The following BBS9 variants were observed in gnomAD, a reference collection of about 807,000 sequenced individuals.
BBS9 encodes Bardet-Biedl syndrome 9, also known as protein PTHB1.
Under a neutral mutation model 117.7 loss-of-function variants are expected in BBS9, and 89 were observed. The ratio of observed to expected loss-of-function variants is 0.76; its 90% CI spans 0.64 to 0.90. BBS9 has a LOEUF of 0.90. Ranked by LOEUF, BBS9 falls within the 40% of genes least tolerant of loss-of-function variation. The pLI, the probability that BBS9 is intolerant of heterozygous loss-of-function variation, is 0.00. For synonymous variants in BBS9, 379 were observed against 370.9 expected (o/e 1.02, Z -0.25); for missense variants, 982 against 1,042.2 (o/e 0.94, Z 0.80).
intron 20 of BBS9, among the ~76,000 whole-genome samples, chr7:33,518,291 G>A (rs78323097): frequency 0.024 from 3,041 of 125,228 alleles, 46 homozygotes; most frequent in Middle Eastern, 0.087. Context: ...CCACCCTGTC[G>A]CCAGGCTGGA....
At chr7:33,403,195 C>G (rs1829231237) in intron 19 of BBS9, among the ~76,000 whole-genome samples, 1 of 151,428 alleles carries the variant, frequency 6.6e-6, no homozygotes, top group African/African-American at 2.4e-5. Flanking sequence ...TCCTGTCACC[C>G]AGGTAGTGAA....
intron 21 of BBS9, among the ~76,000 whole-genome samples, chr7:33,537,741 G>A (rs1441032879): frequency 1.3e-5 from 2 of 152,118 alleles, no homozygotes; most frequent in East Asian, 3.9e-4. Context: ...GCTGTATTTT[G>A]CAGGAGGCTT....
chr7:33,281,295 T>G lies in BBS9; in HGVS notation c.1016+7339T>G, dbSNP rs549519355. ...TTTGGGTTCCATTTAATTTTTTTTG[T>G]TTGCTTATTTTTTCATTTGTTTGCT... On this transcript the variant is annotated intron_variant, in intron 9 of 22. Transcript: ENST00000242067. Among the ~76,000 whole-genome samples the G allele has an allele frequency of 1.3e-4, 20 of 151,738 alleles. No individual in the cohort carries two copies. In the South Asian group the frequency reaches 1.7e-3, roughly 13 times the overall value.
chr7:33,265,687 T>G (rs1396981772), intron 7 of BBS9, among the ~76,000 whole-genome samples: 1 of 151,808 alleles, frequency 6.6e-6, no homozygotes, highest in African/African-American at 2.4e-5. Context: ...TCCACTAAAA[T>G]ACAAAATTAG....
At chr7:33,541,284 ACT>A (rs1263697202) in intron 21 of BBS9, among the ~76,000 whole-genome samples, 1 of 151,846 alleles carries the variant, frequency 6.6e-6, no homozygotes, top group Non-Finnish European at 1.5e-5. Flanking sequence ...AACAACCTTG[ACT>A]CTCTGTTTCT....
intron 5 of BBS9, among the ~76,000 whole-genome samples, chr7:33,209,591 C>G (rs1787625132): frequency 6.6e-6 from 1 of 152,104 alleles, no homozygotes; most frequent in Admixed American, 6.6e-5. Flanking sequence ...TCTCCACTTT[C>G]TCAGCAGCAT....
intron 16 of BBS9, among the ~76,000 whole-genome samples, chr7:33,365,224 CTTCT>C (rs1182804679): frequency 6.6e-6 from 1 of 151,866 alleles, no homozygotes; most frequent in Non-Finnish European, 1.5e-5. Context: ...AGGGATATGT[CTTCT>C]TTGTTTTTCG....
At chr7:33,474,085 A>G (rs1045967151) in intron 19 of BBS9, among the ~76,000 whole-genome samples, 22 of 152,184 alleles carry the variant, frequency 1.4e-4, no homozygotes, top group African/African-American at 5.3e-4. Flanking sequence ...GTTGCTGTTG[A>G]TTTCTTGGAG....
chr7:33,586,729 T>C (rs866396011), intron 21 of BBS9, among the ~76,000 whole-genome samples: 2 of 151,908 alleles, frequency 1.3e-5, no homozygotes, highest in South Asian at 2.1e-4. Context: ...AACAAAACAA[T>C]GAAAGCATGT....
intron 21 of BBS9, among the ~76,000 whole-genome samples, chr7:33,617,704 A>G (rs1164810354): frequency 6.6e-6 from 1 of 152,212 alleles, no homozygotes; most frequent in Admixed American, 6.5e-5. Context: ...AATAAAAACC[A>G]TGAAAAAGAA....
chr7:33,276,178 GT>G (rs972594147), intron 9 of BBS9, among the ~76,000 whole-genome samples: 13 of 152,178 alleles, frequency 8.5e-5, no homozygotes, highest in African/African-American at 2.9e-4. Context: ...TTCTATTAGA[GT>G]TTTTTTCTTC....
At chr7:33,631,956 C>A (rs962943298) in intron 21 of BBS9, among the ~76,000 whole-genome samples, 8 of 152,036 alleles carry the variant, frequency 5.3e-5, no homozygotes, top group African/African-American at 1.9e-4. Flanking sequence ...CTAATTAGTG[C>A]GTAGAATGGA....
intron 21 of BBS9, among the ~76,000 whole-genome samples, chr7:33,632,972 C>T (rs535786831): frequency 6.6e-6 from 1 of 152,216 alleles, no homozygotes; most frequent in Admixed American, 6.5e-5. Context: ...GGAAACCTTT[C>T]AGCTGGGTGA....
At chr7:33,198,093 C>T (rs1167544084) in intron 5 of BBS9, among the ~76,000 whole-genome samples, 4 of 151,884 alleles carry the variant, frequency 2.6e-5, no homozygotes, top group Admixed American at 6.6e-5. Context: ...TAAAAGTGAG[C>T]TGGATTTTAA....
chr7:33,465,096 T>A (rs993137791), intron 19 of BBS9, among the ~76,000 whole-genome samples: 5 of 152,042 alleles, frequency 3.3e-5, no homozygotes, highest in African/African-American at 1.2e-4. Context: ...TTAATAATTT[T>A]GTTGGTTCTT....
intron 19 of BBS9, among the ~76,000 whole-genome samples, chr7:33,427,319 C>T (rs1185611552): frequency 2.0e-5 from 3 of 152,118 alleles, no homozygotes; most frequent in Non-Finnish European, 2.9e-5. Flanking sequence ...TTCACAATTC[C>T]TGAAGGGTTG....
At chr7:33,397,129 GA>G (rs928663928) in intron 19 of BBS9, among the ~76,000 whole-genome samples, 40 of 151,812 alleles carry the variant, frequency 2.6e-4, no homozygotes, top group African/African-American at 8.9e-4. Context: ...AAATTTACAA[GA>G]AAAAAAATCC....
At chr7:33,455,757 A>G (rs767912794) in intron 19 of BBS9, among the ~76,000 whole-genome samples, 18 of 152,228 alleles carry the variant, frequency 1.2e-4, no homozygotes, top group Non-Finnish European at 1.3e-4. Context: ...ACCAAAGATC[A>G]GAACTACAGA....
At chr7:33,575,869 A>C (rs1480800718) in intron 21 of BBS9, among the ~76,000 whole-genome samples, 1 of 152,240 alleles carries the variant, frequency 6.6e-6, no homozygotes, top group Non-Finnish European at 1.5e-5. Flanking sequence ...TTCATGCTAA[A>C]AACTCTCAAT....
Sources: gnomAD v4.1 joint callset for allele counts (sites outside exome capture counted in the v4.1 genomes callset) on GRCh38, gnomAD v4.1.1 for gene constraint, MANE v1.5 for transcripts, NCBI Gene and HGNC (gene_info 2026-07-23, HGNC 2026-07-21) for gene names.